Variants in AUTS2 observed in about 807,000 individuals in gnomAD.
AUTS2 encodes the protein autism susceptibility gene 2 protein.
AUTS2 carries 17 observed loss-of-function variants against 112.4 expected under a neutral mutation model. The observed-to-expected ratio is 0.15, with a 90% CI of 0.10 to 0.23. The LOEUF (loss-of-function observed/expected upper bound fraction) is 0.23, where lower values mean the gene tolerates loss of function less well. Among genes scored for constraint, AUTS2 ranks in the 10% least tolerant of loss-of-function variants. The pLI is 1.00. For missense variants in AUTS2, 1,510 were observed against 1,701.6 expected, an observed-to-expected ratio of 0.89 and a Z score of 1.98; for synonymous variants, 751 against 702.7, an observed-to-expected ratio of 1.07 and a Z score of -1.09.
rs532463288 is a variant in AUTS2, at chr7:70,300,042, A to G, written c.661-135710A>G. ...GGCAGGTCATTTTATAGATACACAC[A>G]TATGAATAGTCCACTGCATCATGCG... On this transcript the variant is annotated intron_variant, in intron 4 of 18. Coordinates refer to ENST00000342771, the MANE Select transcript of AUTS2 (RefSeq NM_015570.4). Among the ~76,000 whole-genome samples, 4 of 152,272 alleles carry G rather than the reference A, an allele frequency of 2.6e-5. No homozygotes were observed. The East Asian group carries it at 7.7e-4, about 29-fold the overall frequency.
At chr7:70,021,607 G>T (rs1238072096) in intron 2 of AUTS2, among the ~76,000 whole-genome samples, 1 of 152,166 alleles carries the variant, frequency 6.6e-6, no homozygotes, top group Non-Finnish European at 1.5e-5. Flanking sequence ...CGTGGAAAGG[G>T]TAGAGGTATC....
intron 5 of AUTS2, among the ~76,000 whole-genome samples, chr7:70,545,757 C>T (rs1399859809): frequency 1.3e-5 from 2 of 152,148 alleles, no homozygotes; most frequent in Non-Finnish European, 2.9e-5. Context: ...ACTGATACAT[C>T]TCAGGGTCTC....
chr7:69,771,454 A>G (rs1284582371), intron 1 of AUTS2, among the ~76,000 whole-genome samples: 1 of 152,178 alleles, frequency 6.6e-6, no homozygotes, highest in African/African-American at 2.4e-5. Flanking sequence ...TCTGCTGTCA[A>G]GGAGTTCACA....
intron 1 of AUTS2, among the ~76,000 whole-genome samples, chr7:69,604,122 T>C (rs1031951942): frequency 6.6e-6 from 1 of 152,222 alleles, no homozygotes; most frequent in Non-Finnish European, 1.5e-5. Flanking sequence ...GGAAGACTCA[T>C]TTCTAGTGGT....
intron 6 of AUTS2, among the ~76,000 whole-genome samples, chr7:70,745,032 A>G (rs936130594): frequency 5.5e-4 from 60 of 109,682 alleles, no homozygotes; most frequent in Middle Eastern, 7.9e-3. Context: ...ATTAATAATT[A>G]GCAATTTTTT....
At chr7:69,779,630 G>A (rs946336315) in intron 1 of AUTS2, among the ~76,000 whole-genome samples, 1 of 151,716 alleles carries the variant, frequency 6.6e-6, no homozygotes, top group Non-Finnish European at 1.5e-5. Context: ...GGGCTTGGTG[G>A]CACATGCCTA....
chr7:70,485,316 T>C (rs1246956463), intron 5 of AUTS2, among the ~76,000 whole-genome samples: 1 of 152,190 alleles, frequency 6.6e-6, no homozygotes, highest in Non-Finnish European at 1.5e-5. Context: ...CAATGGCCTT[T>C]GCAGCACCAT....
chr7:70,437,813 C>G (rs557002145), intron 5 of AUTS2: 1 of 145,634 alleles, frequency 6.9e-6, no homozygotes, highest in South Asian at 2.2e-4. Context: ...GTACTCCAGC[C>G]TGGGTGACAG....
intron 1 of AUTS2, among the ~76,000 whole-genome samples, chr7:69,773,669 C>CG (rs535573607): frequency 2.2e-3 from 332 of 152,216 alleles, no homozygotes; most frequent in African/African-American, 7.6e-3. Context: ...TGGAAGCAGG[C>CG]GGTGCTTCAG....
intron 2 of AUTS2, among the ~76,000 whole-genome samples, chr7:70,059,092 T>C (rs1158485850): frequency 6.6e-6 from 1 of 152,200 alleles, no homozygotes; most frequent in Admixed American, 6.5e-5. Context: ...CTTTCACAAA[T>C]ATAAAACGGC....
chr7:70,302,709 T>C, intron 4 of AUTS2, among the ~76,000 whole-genome samples: 1 of 152,018 alleles, frequency 6.6e-6, no homozygotes. Context: ...TTAGAGACTT[T>C]GGTTAAGGAC....
At chr7:69,939,248 T>G in intron 2 of AUTS2, among the ~76,000 whole-genome samples, 1 of 152,266 alleles carries the variant, frequency 6.6e-6, no homozygotes, top group South Asian at 2.1e-4. Flanking sequence ...AATTCAATCA[T>G]TTTTTTCTCC....
chr7:70,115,766 A>G (rs997129271), intron 2 of AUTS2, among the ~76,000 whole-genome samples: 4 of 152,266 alleles, frequency 2.6e-5, no homozygotes, highest in Admixed American at 1.3e-4. Context: ...TATTATCAGT[A>G]TAACTATGTT....
intron 1 of AUTS2, among the ~76,000 whole-genome samples, chr7:69,856,591 C>T (rs1296239606): frequency 6.6e-6 from 1 of 152,160 alleles, no homozygotes; most frequent in Non-Finnish European, 1.5e-5. Flanking sequence ...TCATTACAGA[C>T]TAAGCTGGAT....
intron 5 of AUTS2, among the ~76,000 whole-genome samples, chr7:70,527,247 G>A (rs1027698453): frequency 5.9e-5 from 9 of 152,166 alleles, no homozygotes; most frequent in African/African-American, 7.2e-5. Flanking sequence ...AAATGGTCTC[G>A]TGTTTGAAGT....
At chr7:69,676,701 C>T (rs899069681) in intron 1 of AUTS2, among the ~76,000 whole-genome samples, 1 of 152,138 alleles carries the variant, frequency 6.6e-6, no homozygotes, top group Non-Finnish European at 1.5e-5. Flanking sequence ...ACGATGATTA[C>T]TTTTCAGTAT....
chr7:70,223,504 C>T (rs570069273), intron 4 of AUTS2, among the ~76,000 whole-genome samples: 21 of 152,108 alleles, frequency 1.4e-4, no homozygotes, highest in South Asian at 2.1e-4. Context: ...AAACCTACTG[C>T]GCTGCCAGTT....
chr7:69,848,113 G>A (rs1792292174), intron 1 of AUTS2, among the ~76,000 whole-genome samples: 1 of 152,160 alleles, frequency 6.6e-6, no homozygotes, highest in South Asian at 2.1e-4. Flanking sequence ...GTGGTTTGCT[G>A]TAAGCCACAG....
chr7:70,434,198 A>G lies in AUTS2; in HGVS notation c.661-1554A>G, dbSNP rs146774382. Among the ~76,000 whole-genome samples the G allele has an allele frequency of 7.0e-3, 1,064 of 152,318 alleles. 7 individuals are homozygous for G. Among genetic ancestry groups the G allele is most frequent in the Non-Finnish European group, 0.012 (821 of 68,028 alleles). On this transcript the variant is annotated intron_variant, in intron 4 of 18. Transcript: ENST00000342771. Reference sequence around the variant, plus strand: ...AGCCCTCAGCAGATTTCAGAATCTCATTGGCCAAAGATGGGCCTTCAAATA... The same window carrying G: ...AGCCCTCAGCAGATTTCAGAATCTCGTTGGCCAAAGATGGGCCTTCAAATA...
Sources: gnomAD v4.1 joint callset for allele counts (sites outside exome capture counted in the v4.1 genomes callset) on GRCh38, gnomAD v4.1.1 for gene constraint, MANE v1.5 for transcripts, NCBI Gene and HGNC (gene_info 2026-07-23, HGNC 2026-07-21) for gene names.